The following COL16A1 variants were observed in gnomAD, a reference collection of about 807,000 sequenced individuals.
COL16A1 encodes collagen type XVI alpha 1 chain, also known as collagen alpha-1(XVI) chain.
A neutral mutation model predicts 266.3 loss-of-function variants in COL16A1; 189 were observed. The ratio of observed to expected loss-of-function variants is 0.71; its 90% confidence interval spans 0.63 to 0.80. COL16A1 has a LOEUF of 0.80. Ranked by LOEUF, COL16A1 falls within the 30% of genes least tolerant of loss-of-function variation. COL16A1 has a pLI of 0.00. For missense variants in COL16A1, 1,928 were observed against 2,122.4 expected (o/e 0.91, Z 1.80); for synonymous variants, 740 against 782.3 (o/e 0.95, Z 0.90).
chr1:31,701,480 A>T lies in COL16A1; in HGVS notation c.73+641T>A, dbSNP rs1018650828. 34 of 985,266 alleles carry T rather than the reference A, an allele frequency of 3.5e-5. No individual in the cohort carries two copies. In the Middle Eastern group the frequency reaches 2.1e-3, roughly 60 times the overall value. 61.0% of individuals were successfully genotyped at this position (985,266 alleles called of 1,614,324 possible). On this transcript the variant is annotated intron_variant, in intron 2 of 70. Coordinates refer to ENST00000373672, the MANE Select transcript of COL16A1 (RefSeq NM_001856.4). ...TAGGAGTTCTGTTCCTGCTTGGCGA[A>T]GCAGCTGAGCTACTGAGCCCAGAGG...
chr1:31,691,439 C>T lies in COL16A1; in HGVS notation c.1376G>A (p.Gly459Glu), dbSNP rs1644262659. The change falls in exon 19 of 71, where the codon GGG becomes GAG. Residue 459 changes from glycine to glutamate, a missense_variant. This residue lies in a region of COL16A1 where 1,552 missense variants were observed against 1,637.2 expected (regional missense o/e 0.95). Coordinates refer to ENST00000373672, the MANE Select transcript of COL16A1 (RefSeq NM_001856.4). ...PGPPGLPGPP[G>E]IGLPGTPGDP... ...CACCGGGGTCCCAGGCAGTCCTATC[C>T]CAGGGGGTCCAGGGAGGCCGGGGGG... is the stretch of plus-strand genomic sequence containing the variant. 1.9e-6 allele frequency: 3 copies of T among 1,612,546 alleles called. No homozygotes were observed. The Admixed American group carries it at 5.0e-5, about 27-fold the overall frequency.
At position 31,693,111 on chromosome 1, in the gene COL16A1, T is replaced by A; in HGVS notation, c.1052A>T (p.Lys351Met). The change falls in exon 13 of 71, where the codon AAG (lysine) becomes ATG (methionine). Residue 351 changes from lysine to methionine, a missense_variant. Lys to Met is a moderately conservative substitution (Grantham distance 95). Around this residue, in one of 2 missense-constraint regions of COL16A1, gnomAD observed 1,552 missense variants for 1,637.2 expected, o/e 0.95. Transcript: ENST00000373672. ...ACTTACCCGTGCTCCCTTCTCTCCCTTGGAGCCTGGTGGACCAGGCAGGCC... is the reference window on the plus strand; with the variant it reads ...ACTTACCCGTGCTCCCTTCTCTCCCATGGAGCCTGGTGGACCAGGCAGGCC... ...ERGLPGPPGSKGEKGARGNDC... is the reference protein window; with the variant it reads ...ERGLPGPPGSMGEKGARGNDC... 1 of 1,611,576 alleles carries A rather than the reference T, an allele frequency of 6.2e-7. No homozygotes were observed. The highest frequency in any genetic ancestry group is 8.5e-7 in the Non-Finnish European group (1 of 1,177,966).
intron 42 of COL16A1, among the ~76,000 whole-genome samples, chr1:31,678,480 G>A (rs1005392330): frequency 2.6e-5 from 4 of 152,162 alleles, no homozygotes; most frequent in Non-Finnish European, 4.4e-5. Context: ...CTAGTCGGGC[G>A]GCCTTAGACA....
intron 60 of COL16A1, 79 bp from the exon 61 acceptor site, chr1:31,661,198 G>A: frequency 6.6e-7 from 1 of 1,518,718 alleles, no homozygotes; most frequent in East Asian, 2.4e-5. Context: ...ACATCAGAGG[G>A]ACCCTGCCAC....
chr1:31,677,833 T>G (rs1430577664), intron 42 of COL16A1, among the ~76,000 whole-genome samples: 28 of 152,204 alleles, frequency 1.8e-4, no homozygotes, highest in Admixed American at 1.8e-3. Context: ...AGGACTCTGG[T>G]GCCTGGGACC....
Position 31,668,904 on chromosome 1 carries a change from C to A in COL16A1, c.3196-49G>T, listed in dbSNP as rs766822347. 9 of 1,539,028 alleles carry A rather than the reference C, an allele frequency of 5.8e-6. No individual in the cohort carries two copies. The East Asian group carries it at 2.1e-4, about 35-fold the overall frequency. ...ACTGCAGGAGCCGGCGGTCCCCACC[C>A]AGCCCCTGACTCCTTCCCCCTGCCC... On this transcript the variant is annotated intron_variant, in intron 49 of 70. Coordinates refer to ENST00000373672, the MANE Select transcript of COL16A1 (RefSeq NM_001856.4). The surrounding 1 kb of genome is among the most constrained non-coding windows in gnomAD (Gnocchi z 5.8).
chr1:31,658,671 G>C lies in COL16A1; in HGVS notation c.3931-94C>G, dbSNP rs972532522. The stretch of plus-strand genomic sequence containing the variant: ...GACAGACACCCCATCGTGTGCCAGG[G>C]ACTACAGGGAGAGGTGGCACTGCCT... On this transcript the variant is annotated intron_variant, in intron 63 of 70. Coordinates refer to ENST00000373672, the MANE Select transcript of COL16A1 (RefSeq NM_001856.4). 5 of 1,221,644 alleles carry C rather than the reference G, an allele frequency of 4.1e-6. No homozygotes were observed. In the Admixed American group the frequency reaches 8.1e-5, roughly 20 times the overall value. 75.7% of individuals were successfully genotyped at this position (1,221,644 alleles called of 1,614,324 possible). A position where few individuals can be genotyped will look rare whatever the true frequency, so the allele number is the denominator to read the frequency against.
intron 55 of COL16A1, 74 bp downstream of exon 55, chr1:31,665,509 C>G: frequency 6.2e-7 from 1 of 1,612,788 alleles, no homozygotes; most frequent in Non-Finnish European, 8.5e-7. Context: ...CCTACCCCAG[C>G]CTGGCCTGGT....
intron 62 of COL16A1, 84 bp from the exon 63 acceptor site, chr1:31,659,048 G>T: frequency 8.0e-7 from 1 of 1,253,578 alleles, no homozygotes; most frequent in Non-Finnish European, 1.1e-6. Flanking sequence ...GCAGAAACAA[G>T]CTCTAAACTT....
chr1:31,680,077 G>T lies in COL16A1; in HGVS notation c.2635C>A (p.Pro879Thr), dbSNP rs1474337972. The T allele has an allele frequency of 6.2e-7, 1 of 1,613,898 alleles. No individual in the cohort carries two copies. The highest frequency in any genetic ancestry group is 8.5e-7 in the Non-Finnish European group (1 of 1,179,898). ...EKGEPGECSCPSQGDLIFSGM... is the reference protein window; with the variant it reads ...EKGEPGECSCTSQGDLIFSGM... ...GAGAAGATGAGGTCTCCTTGAGAGG[G>T]GCAGGAGCACTCCCCTGGCTCACCC... The change falls in exon 40 of 71, where the codon CCC (proline) becomes ACC (threonine). Residue 879 changes from proline (P) to threonine (T), a missense_variant. Physicochemically the swap from Pro to Thr is conservative, Grantham distance 38. This residue lies in a region of COL16A1 where 1,552 missense variants were observed against 1,637.2 expected (regional missense o/e 0.95). Transcript: ENST00000373672.
Position 31,692,809 on chromosome 1 carries a change from C to T in COL16A1, c.1072-1G>A. 1 of 1,613,820 alleles carries T rather than the reference C, an allele frequency of 6.2e-7. No individual in the cohort carries two copies. Among genetic ancestry groups the T allele is most frequent in the Non-Finnish European group, 8.5e-7 (1 of 1,179,690 alleles). Reference sequence around the variant, plus strand: ...GGGAGATTCGAACACAGTCATTGCCCTGGGAGTAGGGAACAAGGGATCAGG... The same window carrying T: ...GGGAGATTCGAACACAGTCATTGCCTTGGGAGTAGGGAACAAGGGATCAGG... On this transcript the variant is annotated splice_acceptor_variant, in intron 13 of 70. Transcript: ENST00000373672. LOFTEE classifies it high-confidence loss of function.
intron 42 of COL16A1, among the ~76,000 whole-genome samples, chr1:31,677,947 T>TA (rs1366349970): frequency 6.6e-5 from 10 of 152,200 alleles, no homozygotes; most frequent in African/African-American, 2.4e-4. Context: ...AAATGACTCT[T>TA]ACACTTCCCC....
chr1:31,679,522 G>A, intron 42 of COL16A1, 110 bp downstream of exon 42: 4 of 1,613,980 alleles, frequency 2.5e-6, no homozygotes, highest in Non-Finnish European at 3.4e-6. Context: ...GAAATGGCAT[G>A]TCTGTGTTTT....
In COL16A1 at chr1:31,688,862, G is replaced by A. The variant is rs766328375; in HGVS notation, c.1766C>T (p.Pro589Leu). The change falls in exon 25 of 71, where the codon CCG becomes CTG. Residue 589 changes from proline (P) to leucine (L), a missense_variant and splice_region_variant. Around this residue, in one of 2 missense-constraint regions of COL16A1, gnomAD observed 1,552 missense variants for 1,637.2 expected, o/e 0.95. Transcript: ENST00000373672. This position sits in a 1 kb window ranked among gnomAD's most constrained non-coding sequence, Gnocchi z 4.9. ...GSPGFGLPGL[P>L]GRAGVPGLKG... ...GGCTGGGAGAAAGTCGTCACTCACCGGAAGGCCAGGCAGACCAAAGCCAGG... is the reference window on the plus strand; with the variant it reads ...GGCTGGGAGAAAGTCGTCACTCACCAGAAGGCCAGGCAGACCAAAGCCAGG... 22 of 1,612,748 alleles carry A rather than the reference G, an allele frequency of 1.4e-5. No individual in the cohort carries two copies. Among genetic ancestry groups the A allele is most frequent in the African/African-American group, 9.3e-5 (7 of 74,886 alleles).
In COL16A1 at chr1:31,657,388, G is replaced by A. The variant is rs879458152; in HGVS notation, c.4021-320C>T. 3.1e-5 allele frequency: 12 copies of A among 381,368 alleles called. No homozygotes were observed. The highest frequency in any genetic ancestry group is 5.8e-5 in the Non-Finnish European group (12 of 208,576). 23.6% of individuals were successfully genotyped at this position (381,368 alleles called of 1,614,324 possible). A position where few individuals can be genotyped will look rare whatever the true frequency, so the allele number is the denominator to read the frequency against. ...CCCTGGCTCTGAATCTATGTTAAAC[G>A]TTTGCTGAATGAACACATGAACAGC... On this transcript the variant is annotated intron_variant, in intron 64 of 70. Transcript: ENST00000373672. The surrounding 1 kb of genome is among the most constrained non-coding windows in gnomAD (Gnocchi z 6.4).
At position 31,697,598 on chromosome 1, in the gene COL16A1, G is replaced by A. The variant is rs926395678; in HGVS notation, c.658-298C>T. On this transcript the variant is annotated intron_variant, in intron 6 of 70. Transcript: ENST00000373672. The surrounding 1 kb of genome is among the most constrained non-coding windows in gnomAD (Gnocchi z 4.2). ...TGCAAGGAAAGGCATTCCAGGTGGAGGTAACAGCGTAGGCAAAGGCACGGC... is the reference window on the plus strand; with the variant it reads ...TGCAAGGAAAGGCATTCCAGGTGGAAGTAACAGCGTAGGCAAAGGCACGGC... Among the ~76,000 whole-genome samples the A allele has an allele frequency of 1.2e-4, 18 of 152,206 alleles. No individual in the cohort carries two copies. The highest frequency in any genetic ancestry group is 4.3e-4 in the African/African-American group (18 of 41,456).
At position 31,652,956 on chromosome 1, in the gene COL16A1, C is replaced by T; in HGVS notation, c.4613-103G>A. 2 of 1,164,904 alleles carry T rather than the reference C, an allele frequency of 1.7e-6. No individual in the cohort carries two copies. Among genetic ancestry groups the T allele is most frequent in the Non-Finnish European group, 2.3e-6 (2 of 880,428 alleles). The allele number at this position is 1,164,904 out of a possible 1,614,324, so 72.2% of individuals were successfully genotyped here. On this transcript the variant is annotated intron_variant, in intron 70 of 70. Transcript: ENST00000373672. The surrounding 1 kb of genome is among the most constrained non-coding windows in gnomAD (Gnocchi z 4.8). ...AATACCTTACATTTGATGACTGTTT[C>T]TCAAGTTACCACATGTTTTCATGAA...
rs114923727 is a variant in COL16A1 at position 31,657,994 on chromosome 1, C to T, written c.4020+494G>A. 2.0e-5 allele frequency among the ~76,000 whole-genome samples: 3 copies of T among 152,274 alleles called. No homozygotes were observed. The highest frequency in any genetic ancestry group is 2.9e-5 in the Non-Finnish European group (2 of 68,018). Reference sequence around the variant, plus strand: ...CAATCAGATCCACTAAATGGGGCTGCGGCACAGATTAAGATAAAATGCACA... The same window carrying T: ...CAATCAGATCCACTAAATGGGGCTGTGGCACAGATTAAGATAAAATGCACA... On this transcript the variant is annotated intron_variant, in intron 64 of 70. Transcript: ENST00000373672. This position sits in a 1 kb window ranked among gnomAD's most constrained non-coding sequence, Gnocchi z 6.4.
Position 31,688,518 on chromosome 1 carries a change from G to T in COL16A1, c.1768-16C>A. ...CAGCTCTACCCTGAAAAACAACCAA[G>T]ACAGAGTCTCAGCATCTCCCCACTC... On this transcript the variant is annotated splice_polypyrimidine_tract_variant and intron_variant, in intron 25 of 70. Transcript: ENST00000373672. This position sits in a 1 kb window ranked among gnomAD's most constrained non-coding sequence, Gnocchi z 4.9. The T allele has an allele frequency of 6.2e-7, 1 of 1,614,044 alleles. No homozygotes were observed. The highest frequency in any genetic ancestry group is 8.5e-7 in the Non-Finnish European group (1 of 1,180,022).
Sources: gnomAD v4.1 joint callset for allele counts (sites outside exome capture counted in the v4.1 genomes callset) on GRCh38, gnomAD v4.1.1 for gene constraint, gnomAD v4.1.1 regional missense constraint, Gnocchi (gnomAD v3.1) non-coding constraint, MANE v1.5 for transcripts, NCBI Gene and HGNC (gene_info 2026-07-23, HGNC 2026-07-21) for gene names.